ZNF800: variants seen among roughly 807,000 people sequenced by gnomAD.
ZNF800 encodes the protein zinc finger protein 800.
Under a neutral mutation model 59.5 loss-of-function variants are expected in ZNF800, and 13 were observed. The ratio of observed to expected loss-of-function variants is 0.22; its 90% CI spans 0.14 to 0.35. The LOEUF (loss-of-function observed/expected upper bound fraction) is 0.35, where lower values mean the gene tolerates loss of function less well. Among genes scored for constraint, ZNF800 ranks in the 10% least tolerant of loss-of-function variants. ZNF800 has a pLI of 1.00. For synonymous variants in ZNF800, 266 were observed against 265.7 expected (o/e 1.00, Z -0.01); for missense variants, 621 against 783.7 (o/e 0.79, Z 2.48).
At chr7:127,384,304 GCTCA>G (rs1801070414) in intron 3 of ZNF800, among the ~76,000 whole-genome samples, 1 of 137,072 alleles carries the variant, frequency 7.3e-6, no homozygotes, top group East Asian at 2.2e-4. Flanking sequence ...CGCTATCTTG[GCTCA>G]CTGCAAGCTC....
intron 3 of ZNF800, among the ~76,000 whole-genome samples, chr7:127,381,115 A>G (rs1587448626): frequency 6.6e-6 from 1 of 152,216 alleles, no homozygotes; most frequent in African/African-American, 2.4e-5. Context: ...TAACTCTTCT[A>G]TGCTAGACAA....
rs1562906298 is a variant in ZNF800, at chr7:127,377,336, G to T, written c.158-7C>A. The T allele has an allele frequency of 1.3e-6, 2 of 1,580,220 alleles. No homozygotes were observed. Among genetic ancestry groups the T allele is most frequent in the Non-Finnish European group, 1.7e-6 (2 of 1,165,208 alleles). ...TGCTTAAGTTGTTTAGTTCCTGAGA[G>T]AAAAAAGAAAAGAAAAACTTAACAC... On this transcript the variant is annotated splice_region_variant and splice_polypyrimidine_tract_variant and intron_variant, in intron 3 of 5. Transcript: ENST00000265827. The surrounding 1 kb of genome is among the most constrained non-coding windows in gnomAD (Gnocchi z 4.7).
intron 1 of ZNF800, among the ~76,000 whole-genome samples, chr7:127,357,520 A>G (rs1800294605): frequency 6.6e-6 from 1 of 152,044 alleles, no homozygotes; most frequent in African/African-American, 2.4e-5. Flanking sequence ...GATTAGGCAC[A>G]CAGACATAGT....
chr7:127,391,392 G>A, intron 2 of ZNF800, 105 bp downstream of exon 2: 2 of 1,117,402 alleles, frequency 1.8e-6, no homozygotes, highest in Non-Finnish European at 2.7e-6. Flanking sequence ...ATCATAGCCT[G>A]CTTAAGAATG....
At chr7:127,355,346 A>G (rs934741147) in intron 1 of ZNF800, among the ~76,000 whole-genome samples, 6 of 152,098 alleles carry the variant, frequency 3.9e-5, no homozygotes, top group Non-Finnish European at 5.9e-5. Context: ...CTGGTGATCC[A>G]TTCTTTCATA....
At chr7:127,352,168 T>C (rs765140388) in intron 1 of ZNF800, among the ~76,000 whole-genome samples, 1 of 152,176 alleles carries the variant, frequency 6.6e-6, no homozygotes, top group Non-Finnish European at 1.5e-5. Context: ...AAAAGATGGA[T>C]CACACTCATC....
intron 5 of ZNF800, chr7:127,372,894 T>A: frequency 1.0e-6 from 1 of 985,220 alleles, no homozygotes; most frequent in Non-Finnish European, 1.2e-6. Flanking sequence ...CTCAAAAGAT[T>A]TTTTCCTATA....
In ZNF800 at chr7:127,370,755, G is replaced by T. The variant is rs1171333876; in HGVS notation, c.*1059C>A. On this transcript the variant is annotated 3_prime_UTR_variant, in exon 6 of 6. Transcript: ENST00000265827. ...AAAAACCTGCCCAAAATTTCATAAA[G>T]ATAGATGTACTTCTGTTTTTCCTAA... 6.6e-6 allele frequency: 1 copy of T among 152,366 alleles called. No individual in the cohort carries two copies. Among genetic ancestry groups the T allele is most frequent in the East Asian group, 1.9e-4 (1 of 5,186 alleles). 9.4% of individuals were successfully genotyped at this position (152,366 alleles called of 1,614,324 possible).
intron 1 of ZNF800, among the ~76,000 whole-genome samples, chr7:127,353,051 G>A (rs1241701696): frequency 2.0e-5 from 3 of 151,990 alleles, no homozygotes; most frequent in African/African-American, 4.8e-5. Flanking sequence ...TCCCCCCAAT[G>A]GCACCGATAA....
rs1376717406 is a variant in ZNF800, at chr7:127,370,202, TTTAAA to T, written c.*1607_*1611del. On this transcript the variant is annotated 3_prime_UTR_variant, in exon 6 of 6. Transcript: ENST00000265827. Reference sequence around the variant, plus strand: ...CAATATGTGGGAAAGTAAATCTGTTTTTAAATTAAAGAGAAATTATTACTCTATTT... The same window carrying T: ...CAATATGTGGGAAAGTAAATCTGTTTTTAAAGAGAAATTATTACTCTATTT... 1.3e-5 allele frequency: 2 copies of T among 152,174 alleles called. No homozygotes were observed. Among genetic ancestry groups the T allele is most frequent in the African/African-American group, 4.8e-5 (2 of 41,466 alleles). 9.4% of individuals were successfully genotyped at this position (152,174 alleles called of 1,614,324 possible). A position where few individuals can be genotyped will look rare whatever the true frequency, so the allele number is the denominator to read the frequency against.
downstream of ZNF800, among the ~76,000 whole-genome samples, chr7:127,345,092 A>G (rs1201823212): frequency 1.3e-5 from 2 of 152,340 alleles, no homozygotes; most frequent in East Asian, 1.9e-4. Flanking sequence ...AGTGGTTTCA[A>G]TATATAAAAA....
At chr7:127,358,500 C>T (rs764803745) in intron 1 of ZNF800, among the ~76,000 whole-genome samples, 2 of 152,030 alleles carry the variant, frequency 1.3e-5, no homozygotes, top group Non-Finnish European at 2.9e-5. Flanking sequence ...TGTTTATAAT[C>T]TTTCAACGGT....
At chr7:127,360,728 AAG>A (rs1184864644) in intron 1 of ZNF800, 13 of 152,166 alleles carry the variant, frequency 8.5e-5, no homozygotes, top group Admixed American at 8.5e-4. Context: ...AGTTAAAATA[AAG>A]AGTCAAAAAC....
exon 2 of ZNF800, chr7:127,347,724 G>A (rs1419769684): frequency 6.6e-6 from 1 of 152,316 alleles, no homozygotes; most frequent in Non-Finnish European, 1.5e-5. Flanking sequence ...GGGTGAAAGG[G>A]GTTTGAGGCG....
intron 3 of ZNF800, among the ~76,000 whole-genome samples, chr7:127,381,439 A>AT (rs1800973380): frequency 5.3e-5 from 8 of 151,294 alleles, no homozygotes; most frequent in Non-Finnish European, 7.4e-5. Flanking sequence ...GGGCTGGTTA[A>AT]ATATATATAT....
At chr7:127,359,455 C>T (rs1437090559) in intron 1 of ZNF800, among the ~76,000 whole-genome samples, 2 of 141,076 alleles carry the variant, frequency 1.4e-5, no homozygotes, top group African/African-American at 2.6e-5. Context: ...CAAAGAGGAC[C>T]TGAAAGCAAA....
chr7:127,382,149 A>T (rs1161705174), intron 3 of ZNF800, among the ~76,000 whole-genome samples: 10 of 152,126 alleles, frequency 6.6e-5, no homozygotes, highest in African/African-American at 2.4e-4. Flanking sequence ...TTCTTACAAT[A>T]TTATATATTT....
downstream of ZNF800, among the ~76,000 whole-genome samples, chr7:127,345,546 C>A (rs973929670): frequency 2.0e-5 from 3 of 152,130 alleles, no homozygotes; most frequent in African/African-American, 7.2e-5. Flanking sequence ...GAGACAACAG[C>A]ATTTCCTAGG....
Position 127,374,712 on chromosome 7 carries a change from A to C in ZNF800, c.624T>G (p.Asp208Glu), listed in dbSNP as rs1219185666. The C allele has an allele frequency of 1.2e-6, 2 of 1,614,062 alleles. No homozygotes were observed. The highest frequency in any genetic ancestry group is 1.7e-6 in the Non-Finnish European group (2 of 1,179,944). The change falls in exon 5 of 6, where the codon GAT becomes GAG. Residue 208 changes from aspartate to glutamate, a missense_variant. Physicochemically the swap from Asp to Glu is conservative, Grantham distance 45. Around this residue, in one of 7 missense-constraint regions of ZNF800, gnomAD observed 218 missense variants for 230.8 expected, o/e 0.94. Coordinates refer to ENST00000265827, the MANE Select transcript of ZNF800 (RefSeq NM_176814.5). ...CAGCCTGCGACTCCTGAGGTTGTTC[A>C]TCAGATGTAGGTGCAACTTCATCTG... ...IVTDEVAPTS[D>E]EQPQESQADL...
Sources: allele counts gnomAD v4.1 joint callset (sites outside exome capture counted in the v4.1 genomes callset), GRCh38; gene constraint gnomAD v4.1.1; regional missense constraint gnomAD v4.1.1; non-coding constraint Gnocchi (gnomAD v3.1); transcripts MANE v1.5; gene names NCBI Gene and HGNC (gene_info 2026-07-23, HGNC 2026-07-21).